TARS3: variants seen among roughly 807,000 people sequenced by gnomAD.
The protein encoded by TARS3 is threonine--tRNA ligase 2, cytoplasmic.
In TARS3, 94 loss-of-function variants were observed where a neutral mutation model predicts 103.5. The observed-to-expected ratio is 0.91, with a 90% CI of 0.77 to 1.08. The LOEUF is 1.08. TARS3 is among the 50% of genes least tolerant of loss of function. The pLI is 0.00. For missense variants in TARS3, 952 were observed against 995.2 expected (o/e 0.96, Z 0.58); for synonymous variants, 416 against 355.4 (o/e 1.17, Z -1.92).
intron 15 of TARS3, among the ~76,000 whole-genome samples, chr15:101,663,192 A>C (rs777384350): frequency 3.3e-5 from 5 of 152,184 alleles, no homozygotes; most frequent in Non-Finnish European, 7.3e-5. Flanking sequence ...AAGCTGAAAA[A>C]AATTTTTTTT....
intron 12 of TARS3, among the ~76,000 whole-genome samples, chr15:101,678,176 C>T (rs900137906): frequency 6.6e-6 from 1 of 151,878 alleles, no homozygotes; most frequent in African/African-American, 2.4e-5. Flanking sequence ...GATGGGGTTT[C>T]ACCATGTTGG....
chr15:101,694,024 A>G (rs142014443), intron 10 of TARS3, among the ~76,000 whole-genome samples: 1,885 of 152,284 alleles, frequency 0.012, 32 homozygotes, highest in African/African-American at 0.042. Context: ...CAATTAAAAA[A>G]GTTAATTTAA....
intron 15 of TARS3, among the ~76,000 whole-genome samples, chr15:101,670,556 T>C (rs943585566): frequency 6.6e-6 from 1 of 152,218 alleles, no homozygotes; most frequent in Non-Finnish European, 1.5e-5. Flanking sequence ...CTGGAACTCT[T>C]TACACATTGC....
chr15:101,693,334 G>C (rs1012199861), intron 10 of TARS3, among the ~76,000 whole-genome samples: 2 of 152,094 alleles, frequency 1.3e-5, no homozygotes, highest in African/African-American at 4.8e-5. Flanking sequence ...CAGCAGGCAA[G>C]GGACTTTGTG....
intron 3 of TARS3, among the ~76,000 whole-genome samples, chr15:101,718,645 A>C (rs1360549292): frequency 6.6e-6 from 1 of 152,184 alleles, no homozygotes; most frequent in Non-Finnish European, 1.5e-5. Context: ...AGGATTAGAG[A>C]GCAAGAGTGC....
rs1258394213 is a variant in TARS3 at position 101,684,271 on chromosome 15, C to G, written c.1488-34G>C. 10 of 1,586,114 alleles carry G rather than the reference C, an allele frequency of 6.3e-6. No individual in the cohort carries two copies. In the East Asian group the frequency reaches 2.0e-4, roughly 32 times the overall value. On this transcript the variant is annotated intron_variant, in intron 11 of 18. Transcript: ENST00000335968. ...GATGTGGTAACACACAGCTTTTACACAGCACAGAAATATTAAATAATTATC... is the reference window on the plus strand; with the variant it reads ...GATGTGGTAACACACAGCTTTTACAGAGCACAGAAATATTAAATAATTATC...
intron 4 of TARS3, 28 bp from the exon 5 acceptor site, chr15:101,712,029 A>T: frequency 6.3e-7 from 1 of 1,589,274 alleles, no homozygotes; most frequent in Non-Finnish European, 8.6e-7. Flanking sequence ...AGAGGCCATT[A>T]GCTACCAAAA....
At chr15:101,720,633 A>T (rs1900401336) in intron 3 of TARS3, among the ~76,000 whole-genome samples, 1 of 152,162 alleles carries the variant, frequency 6.6e-6, no homozygotes, top group Non-Finnish European at 1.5e-5. Context: ...AATTAAATAC[A>T]TTTAATTTAT....
chr15:101,708,930 A>C lies in TARS3; in HGVS notation c.813-20T>G, dbSNP rs1899716690. 6.9e-7 allele frequency: 1 copy of C among 1,455,972 alleles called. No homozygotes were observed. The highest frequency in any genetic ancestry group is 1.3e-5 in the South Asian group (1 of 77,798). 90.2% of individuals were successfully genotyped at this position (1,455,972 alleles called of 1,614,324 possible). ...ACTGCTCTAAAAAGAAGAGCAGAGAACCGACATCCATCTTCCAGACATTAT... is the reference window on the plus strand; with the variant it reads ...ACTGCTCTAAAAAGAAGAGCAGAGACCCGACATCCATCTTCCAGACATTAT... On this transcript the variant is annotated intron_variant, in intron 5 of 18. Transcript: ENST00000335968.
chr15:101,662,475 T>G (rs1265342030), intron 15 of TARS3, among the ~76,000 whole-genome samples: 1 of 152,012 alleles, frequency 6.6e-6, no homozygotes, highest in Non-Finnish European at 1.5e-5. Context: ...TGAAACAAAT[T>G]TAACAAATAA....
intron 16 of TARS3, 58 bp downstream of exon 16, chr15:101,661,654 A>G (rs1224451040): frequency 4.7e-6 from 5 of 1,053,534 alleles, no homozygotes; most frequent in Non-Finnish European, 6.8e-6. Context: ...AAATGAGTAA[A>G]TTAATAAAAA....
intron 10 of TARS3, among the ~76,000 whole-genome samples, chr15:101,687,554 C>T (rs769266224): frequency 1.3e-5 from 2 of 151,906 alleles, no homozygotes; most frequent in Non-Finnish European, 2.9e-5. Context: ...TGTGCGTGTT[C>T]GCTTTTACTA....
At position 101,682,404 on chromosome 15, in the gene TARS3, T is replaced by C. The variant is rs184617880; in HGVS notation, c.1650+1671A>G. 5.9e-5 allele frequency among the ~76,000 whole-genome samples: 9 copies of C among 152,182 alleles called. No individual in the cohort carries two copies. In the East Asian group the frequency reaches 1.7e-3, roughly 29 times the overall value. Reference sequence around the variant, plus strand: ...AGATAATATGCTTTTTGTCTTTTTGTTTGTTTTCTTTTTTTTAGTTTGTGA... The same window carrying C: ...AGATAATATGCTTTTTGTCTTTTTGCTTGTTTTCTTTTTTTTAGTTTGTGA... On this transcript the variant is annotated intron_variant, in intron 12 of 18. Coordinates refer to ENST00000335968, the MANE Select transcript of TARS3 (RefSeq NM_152334.3).
At chr15:101,721,794 C>T (rs143506880) in intron 2 of TARS3, among the ~76,000 whole-genome samples, 11 of 152,230 alleles carry the variant, frequency 7.2e-5, no homozygotes, top group African/African-American at 2.2e-4. Flanking sequence ...CGTATCCAGC[C>T]GCAATTTTTC....
At chr15:101,698,638 A>T (rs1899101725) in intron 10 of TARS3, among the ~76,000 whole-genome samples, 2 of 152,190 alleles carry the variant, frequency 1.3e-5, no homozygotes, top group South Asian at 4.1e-4. Context: ...TTACAATGTG[A>T]GGGAGATGAG....
At chr15:101,723,293 C>G (rs1900584941) in intron 1 of TARS3, 129 bp from the exon 2 acceptor site, 1 of 721,528 alleles carries the variant, frequency 1.4e-6, no homozygotes, top group Non-Finnish European at 2.4e-6. Flanking sequence ...TCCTGACCAC[C>G]AGCTACAGCT....
chr15:101,684,317 T>C, intron 11 of TARS3, 80 bp from the exon 12 acceptor site: 2 of 1,330,316 alleles, frequency 1.5e-6, no homozygotes, highest in Non-Finnish European at 2.0e-6. Flanking sequence ...GAAATTACAA[T>C]TAAGCCTCAA....
intron 10 of TARS3, among the ~76,000 whole-genome samples, chr15:101,694,145 A>C (rs1447565326): frequency 6.6e-6 from 1 of 152,270 alleles, no homozygotes; most frequent in Non-Finnish European, 1.5e-5. Context: ...TCAGTTGTCC[A>C]CACAGTCAGT....
At chr15:101,678,635 A>G (rs184577769) in intron 12 of TARS3, among the ~76,000 whole-genome samples, 1 of 152,306 alleles carries the variant, frequency 6.6e-6, no homozygotes, top group Admixed American at 6.5e-5. Context: ...TAATTTTCTT[A>G]AACATTTCTT....
Sources: allele counts gnomAD v4.1 joint callset (sites outside exome capture counted in the v4.1 genomes callset), GRCh38; gene constraint gnomAD v4.1.1; transcripts MANE v1.5; gene names NCBI Gene and HGNC (gene_info 2026-07-23, HGNC 2026-07-21).